The following CLCN5 variants were observed in gnomAD, a reference collection of about 807,000 sequenced individuals.
The protein encoded by CLCN5 is Cl-/H+ antiporter 5.
CLCN5 carries 17 observed loss-of-function variants against 54.0 expected under a neutral mutation model. That is an observed-to-expected ratio of 0.31 (90% confidence interval 0.22 to 0.47). CLCN5 has a LOEUF of 0.47. Ranked by LOEUF, CLCN5 falls within the 20% of genes least tolerant of loss-of-function variation. The probability of loss-of-function intolerance (pLI) is 1.00; values close to 1 mark genes in which losing one functional copy is unlikely to be tolerated. For missense variants in CLCN5, 448 were observed against 646.7 expected, an observed-to-expected ratio of 0.69 and a Z score of 3.33; for synonymous variants, 222 against 233.0, an observed-to-expected ratio of 0.95 and a Z score of 0.43.
chrX:49,940,353 T>C (rs1395410456), intron 3 of CLCN5, among the ~76,000 whole-genome samples: 3 of 112,221 alleles, frequency 2.7e-5, no homozygotes, highest in African/African-American at 9.7e-5. Context: ...CAAATGTACC[T>C]GGTACTTTGC....
chrX:50,002,679 CTCTGTG>C (rs1409220009), intron 3 of CLCN5, among the ~76,000 whole-genome samples: 12 of 100,526 alleles, frequency 1.2e-4, no homozygotes, highest in African/African-American at 2.3e-4. Flanking sequence ...CTCTCTCTCT[CTCTGTG>C]TGTGTGTGTG....
chrX:50,000,559 T>A (rs1452859347), intron 3 of CLCN5, among the ~76,000 whole-genome samples: 1 of 111,606 alleles, frequency 9.0e-6, no homozygotes. Context: ...TGGGTCCTTA[T>A]CATTTTCAGT....
chrX:50,037,940 C>T (rs1420139018), intron 3 of CLCN5, among the ~76,000 whole-genome samples: 3 of 111,517 alleles, frequency 2.7e-5, no homozygotes, highest in Non-Finnish European at 5.6e-5. Context: ...GCACCCAGAA[C>T]ATGTCTTTTA....
chrX:50,066,176 AAAAG>A lies in CLCN5; in HGVS notation c.164-3693_164-3690del, dbSNP rs1473495816. Among the ~76,000 whole-genome samples the A allele has an allele frequency of 5.8e-3, 613 of 104,819 alleles. 1 individual carries two copies. Among genetic ancestry groups the A allele is most frequent in the South Asian group, 0.01 (25 of 2,500 alleles). 91.0% of individuals were successfully genotyped at this position (104,819 alleles called of 115,157 possible). A position where few individuals can be genotyped will look rare whatever the true frequency, so the allele number is the denominator to read the frequency against. ...TTAAAGTATAATTAAAAAAAAAAAA[AAAAG>A]AAAGAAAGAGAAATTCCAGAGCAAA... is the stretch of plus-strand genomic sequence containing the variant. On this transcript the variant is annotated intron_variant, in intron 4 of 14. Transcript: ENST00000376091.
intron 7 of CLCN5, among the ~76,000 whole-genome samples, chrX:50,079,804 G>A (rs1231457769): frequency 2.7e-5 from 3 of 110,603 alleles, no homozygotes; most frequent in Non-Finnish European, 3.8e-5. Flanking sequence ...AGGAGGAAAT[G>A]GGGAGAAGTG....
At chrX:50,045,116 T>G (rs2147482280) in intron 4 of CLCN5, among the ~76,000 whole-genome samples, 1 of 111,396 alleles carries the variant, frequency 9.0e-6, no homozygotes, top group African/African-American at 3.3e-5. Flanking sequence ...TCAGGGAAGG[T>G]TTCTCTGAGG....
intron 3 of CLCN5, among the ~76,000 whole-genome samples, chrX:50,029,359 G>A (rs1931577240): frequency 1.0e-5 from 1 of 98,167 alleles, no homozygotes; most frequent in Non-Finnish European, 2.0e-5. Flanking sequence ...GTGTCCATGT[G>A]TTCTCTTTGT....
At chrX:49,977,402 G>A (rs1357885025) in intron 3 of CLCN5, among the ~76,000 whole-genome samples, 2 of 111,331 alleles carry the variant, frequency 1.8e-5, no homozygotes, top group African/African-American at 6.5e-5. Context: ...GGAAATCGAT[G>A]GTGTATATGC....
intron 3 of CLCN5, among the ~76,000 whole-genome samples, chrX:50,000,973 C>T (rs1189440766): frequency 1.8e-5 from 2 of 110,557 alleles, no homozygotes; most frequent in African/African-American, 6.6e-5. Flanking sequence ...GCAGTGTCAC[C>T]TCCCTTCCTT....
chrX:50,007,775 G>A (rs1331158699), intron 3 of CLCN5, among the ~76,000 whole-genome samples: 1 of 111,789 alleles, frequency 8.9e-6, no homozygotes, highest in Non-Finnish European at 1.9e-5. Context: ...TGTGTGCCAG[G>A]TACTATACTT....
chrX:49,954,107 C>T (rs1927193196), intron 3 of CLCN5, among the ~76,000 whole-genome samples: 1 of 111,590 alleles, frequency 9.0e-6, no homozygotes, highest in Non-Finnish European at 1.9e-5. Context: ...TTTTTAATGT[C>T]CATGAGTTTT....
At chrX:49,989,604 A>T (rs1557178654) in intron 3 of CLCN5, among the ~76,000 whole-genome samples, 1 of 112,140 alleles carries the variant, frequency 8.9e-6, no homozygotes, top group Non-Finnish European at 1.9e-5. Context: ...GAACATACAG[A>T]GCACCTACTT....
chrX:49,926,195 G>A (rs950751708), intron 3 of CLCN5, among the ~76,000 whole-genome samples: 4 of 112,287 alleles, frequency 3.6e-5, no homozygotes, highest in African/African-American at 1.3e-4. Flanking sequence ...GTGACTTTAT[G>A]TAGGCACACA....
chrX:49,965,979 A>G (rs781940401), intron 3 of CLCN5, among the ~76,000 whole-genome samples: 38 of 111,588 alleles, frequency 3.4e-4, no homozygotes, highest in Middle Eastern at 4.6e-3. Flanking sequence ...TATCGGCTTT[A>G]TATATTGTTG....
intron 3 of CLCN5, among the ~76,000 whole-genome samples, chrX:50,034,382 G>A (rs984386804): frequency 1.8e-4 from 20 of 111,491 alleles, no homozygotes; most frequent in Non-Finnish European, 3.2e-4. Flanking sequence ...TTGTATGTTC[G>A]TTAATTGTAT....
intron 5 of CLCN5, among the ~76,000 whole-genome samples, chrX:50,072,067 C>T (rs113122689): frequency 0.061 from 6,771 of 111,562 alleles, 539 homozygotes; most frequent in African/African-American, 0.21. Context: ...TGAACCACAG[C>T]CCCCAGGTAG....
At chrX:49,969,156 C>T (rs1557175898) in intron 3 of CLCN5, among the ~76,000 whole-genome samples, 1 of 110,499 alleles carries the variant, frequency 9.0e-6, no homozygotes, top group Admixed American at 9.6e-5. Flanking sequence ...CAGCTCACTG[C>T]AACCTCCGCC....
intron 3 of CLCN5, among the ~76,000 whole-genome samples, chrX:49,959,800 A>G (rs1188103981): frequency 9.0e-6 from 1 of 111,035 alleles, no homozygotes; most frequent in East Asian, 2.8e-4. Context: ...ATCCCAGACC[A>G]TGCCAGTAGC....
chrX:49,928,166 T>C (rs1280290182), intron 3 of CLCN5, among the ~76,000 whole-genome samples: 1 of 112,466 alleles, frequency 8.9e-6, no homozygotes, highest in African/African-American at 3.2e-5. Context: ...GGAATGTTTC[T>C]AACACAAAGA....
Sources: allele counts gnomAD v4.1 joint callset (sites outside exome capture counted in the v4.1 genomes callset), GRCh38; gene constraint gnomAD v4.1.1; transcripts MANE v1.5; gene names NCBI Gene and HGNC (gene_info 2026-07-23, HGNC 2026-07-21).